CPQ: variants seen among roughly 807,000 people sequenced by gnomAD.
CPQ encodes the protein carboxypeptidase Q, also known as Ser-Met dipeptidase.
A neutral mutation model predicts 45.7 loss-of-function variants in CPQ; 37 were observed. That is an observed-to-expected ratio of 0.81 (90% CI 0.62 to 1.07). The LOEUF is 1.07. Ranked by LOEUF, CPQ falls within the 50% of genes least tolerant of loss-of-function variation. CPQ has a pLI of 0.00. For synonymous variants in CPQ, 186 were observed against 205.8 expected (o/e 0.90, Z 0.82); for missense variants, 537 against 572.9 (o/e 0.94, Z 0.64).
chr8:96,991,553 CATAATAATAATAATAATAATAATAATA>C (rs36215104), intron 5 of CPQ, among the ~76,000 whole-genome samples: 35 of 139,984 alleles, frequency 2.5e-4, no homozygotes, highest in African/African-American at 6.3e-4. Context: ...AAGAGTCTGT[CATAATAATAATAATAATAATAATAATA>C]ATAATAATAA....
At chr8:96,892,610 C>T (rs564804328) in intron 4 of CPQ, among the ~76,000 whole-genome samples, 3 of 152,154 alleles carry the variant, frequency 2.0e-5, no homozygotes, top group East Asian at 1.9e-4. Context: ...AACCAGCCAA[C>T]CTAAATCATG....
intron 7 of CPQ, among the ~76,000 whole-genome samples, chr8:97,103,891 C>T (rs2513365): frequency 0.56 from 85,039 of 151,880 alleles, 24,818 homozygotes; most frequent in Non-Finnish European, 0.65. Flanking sequence ...CATTATCTTC[C>T]GCACTTCCAG....
At chr8:96,860,603 C>G (rs1449776264) in intron 3 of CPQ, among the ~76,000 whole-genome samples, 1 of 152,056 alleles carries the variant, frequency 6.6e-6, no homozygotes, top group Non-Finnish European at 1.5e-5. Context: ...AAGATTGGAG[C>G]TGGTGAACAT....
chr8:96,755,530 T>C (rs994561198), intron 1 of CPQ, among the ~76,000 whole-genome samples: 1 of 151,906 alleles, frequency 6.6e-6, no homozygotes, highest in African/African-American at 2.4e-5. Flanking sequence ...TTAAAGAATG[T>C]AGTCTATAAT....
At chr8:96,917,519 T>C (rs1812749108) in intron 4 of CPQ, among the ~76,000 whole-genome samples, 1 of 152,134 alleles carries the variant, frequency 6.6e-6, no homozygotes, top group East Asian at 1.9e-4. Context: ...TCTCTCATAC[T>C]TCCTGCTCCA....
intron 4 of CPQ, among the ~76,000 whole-genome samples, chr8:96,896,826 A>G (rs1812448910): frequency 6.6e-6 from 1 of 152,210 alleles, no homozygotes; most frequent in Non-Finnish European, 1.5e-5. Flanking sequence ...TGAATGAGCT[A>G]ATGAATGAAA....
At chr8:97,012,296 TC>T (rs1809501231) in intron 5 of CPQ, among the ~76,000 whole-genome samples, 1 of 152,236 alleles carries the variant, frequency 6.6e-6, no homozygotes, top group Non-Finnish European at 1.5e-5. Context: ...TTTAGTTTCT[TC>T]TTTTATGAAA....
intron 1 of CPQ, among the ~76,000 whole-genome samples, chr8:96,757,004 T>C (rs1810334545): frequency 6.6e-6 from 1 of 151,804 alleles, no homozygotes; most frequent in South Asian, 2.1e-4. Flanking sequence ...AATGTATTTA[T>C]TTTTCCCTAA....
At chr8:96,898,157 G>C (rs550365534) in intron 4 of CPQ, among the ~76,000 whole-genome samples, 9 of 152,212 alleles carry the variant, frequency 5.9e-5, no homozygotes, top group African/African-American at 2.2e-4. Flanking sequence ...GGAATCTTGA[G>C]GAAGACACAG....
rs184470454 is a variant in CPQ at position 97,057,863 on chromosome 8, C to T, written c.1054-8146C>T. Among the ~76,000 whole-genome samples the T allele has an allele frequency of 7.6e-4, 115 of 152,098 alleles. 3 individuals are homozygous for T. The East Asian group carries it at 0.019, about 25-fold the overall frequency. ...CCAACAAATTAGGGAGGGGTATGGA[C>T]GGTAGTCACAGAAGGCTTGGGCAGA... On this transcript the variant is annotated intron_variant, in intron 6 of 7. Transcript: ENST00000220763.
At chr8:96,926,504 G>T (rs1812876751) in intron 4 of CPQ, among the ~76,000 whole-genome samples, 1 of 151,994 alleles carries the variant, frequency 6.6e-6, no homozygotes. Flanking sequence ...TTCCTAGGAG[G>T]ATTTGCAAGC....
chr8:96,768,628 T>C lies in CPQ; in HGVS notation c.-34-16236T>C, dbSNP rs1441231570. Among the ~76,000 whole-genome samples the C allele has an allele frequency of 2.0e-5, 3 of 152,222 alleles. No homozygotes were observed. The East Asian group carries it at 5.8e-4, about 29-fold the overall frequency. ...AACAGTGTGTAGCTAGACGATGTTT[T>C]CTTTCTAAGCTCATGAAACTTAACA... is the stretch of plus-strand genomic sequence containing the variant. On this transcript the variant is annotated intron_variant, in intron 1 of 7. Coordinates refer to ENST00000220763, the MANE Select transcript of CPQ (RefSeq NM_016134.4).
At chr8:97,108,380 C>T (rs1811440631) in intron 7 of CPQ, among the ~76,000 whole-genome samples, 1 of 152,026 alleles carries the variant, frequency 6.6e-6, no homozygotes, top group Non-Finnish European at 1.5e-5. Context: ...TCTGGGGGTT[C>T]CCAAATAAGA....
intron 7 of CPQ, among the ~76,000 whole-genome samples, chr8:97,135,677 T>C (rs1341572250): frequency 6.6e-6 from 1 of 152,194 alleles, no homozygotes; most frequent in South Asian, 2.1e-4. Context: ...GGAATATCTA[T>C]AATATATTCC....
intron 3 of CPQ, among the ~76,000 whole-genome samples, chr8:96,849,527 AAGCCAATAT>A (rs1374243338): frequency 3.9e-5 from 6 of 152,208 alleles, no homozygotes; most frequent in African/African-American, 1.4e-4. Context: ...CTGTAAACCC[AAGCCAATAT>A]ATCTCCAGGT....
intron 1 of CPQ, among the ~76,000 whole-genome samples, chr8:96,708,791 G>A (rs1201889076): frequency 6.6e-6 from 1 of 151,960 alleles, no homozygotes; most frequent in African/African-American, 2.4e-5. Context: ...ATGTTAACCT[G>A]CTTTTTCGCA....
chr8:96,769,819 G>T (rs1240446221), intron 1 of CPQ, among the ~76,000 whole-genome samples: 2 of 151,678 alleles, frequency 1.3e-5, no homozygotes, highest in Non-Finnish European at 2.9e-5. Context: ...TTTGTGGGGG[G>T]TGGGTAGAGA....
chr8:97,044,023 G>T (rs1810186085), intron 6 of CPQ, among the ~76,000 whole-genome samples: 1 of 152,156 alleles, frequency 6.6e-6, no homozygotes, highest in Non-Finnish European at 1.5e-5. Context: ...GAATCTGAAT[G>T]TTGGCCTGCC....
At chr8:96,669,879 G>T (rs763967424) in intron 1 of CPQ, among the ~76,000 whole-genome samples, 3 of 152,170 alleles carry the variant, frequency 2.0e-5, no homozygotes, top group Non-Finnish European at 4.4e-5. Context: ...ATACTAAACT[G>T]CTGTTCCTAG....
Sources: allele counts gnomAD v4.1 joint callset (sites outside exome capture counted in the v4.1 genomes callset), GRCh38; gene constraint gnomAD v4.1.1; transcripts MANE v1.5; gene names NCBI Gene and HGNC (gene_info 2026-07-23, HGNC 2026-07-21).